PHACTR1: variants seen among roughly 807,000 people sequenced by gnomAD.
The protein encoded by PHACTR1 is RPEL repeat containing 1.
In PHACTR1, 16 loss-of-function variants were observed where a neutral mutation model predicts 69.2. The ratio of observed to expected loss-of-function variants is 0.23; its 90% CI spans 0.16 to 0.35. The LOEUF is 0.35. Ranked by LOEUF, PHACTR1 falls within the 10% of genes least tolerant of loss-of-function variation. The probability of loss-of-function intolerance (pLI) is 1.00; values close to 1 mark genes in which losing one functional copy is unlikely to be tolerated. For missense variants in PHACTR1, 510 were observed against 734.7 expected, an observed-to-expected ratio of 0.69 and a Z score of 3.54; for synonymous variants, 312 against 284.5, an observed-to-expected ratio of 1.10 and a Z score of -0.97.
chr6:13,220,183 G>A (rs4715168), intron 8 of PHACTR1, among the ~76,000 whole-genome samples: 12,586 of 152,140 alleles, frequency 0.083, 775 homozygotes, highest in Admixed American at 0.22. Context: ...TGTGGAACCC[G>A]CTGGTATCTT....
chr6:12,781,383 G>A (rs776491081), intron 4 of PHACTR1, among the ~76,000 whole-genome samples: 86 of 152,340 alleles, frequency 5.6e-4, no homozygotes, highest in African/African-American at 1.9e-3. Context: ...CACCCAGGAC[G>A]TGAATCTCTA....
chr6:12,889,135 A>C (rs1457789666), intron 4 of PHACTR1, among the ~76,000 whole-genome samples: 1 of 152,196 alleles, frequency 6.6e-6, no homozygotes, highest in Admixed American at 6.5e-5. Context: ...TTAGCCAGGC[A>C]TGGTGGCTTG....
chr6:12,763,979 T>A (rs1768326139), intron 4 of PHACTR1, among the ~76,000 whole-genome samples: 1 of 152,190 alleles, frequency 6.6e-6, no homozygotes, highest in Non-Finnish European at 1.5e-5. Flanking sequence ...ATGTGATTTC[T>A]TTTAACCTTA....
chr6:12,922,740 C>A (rs1787857438), intron 4 of PHACTR1, among the ~76,000 whole-genome samples: 1 of 152,138 alleles, frequency 6.6e-6, no homozygotes, highest in Non-Finnish European at 1.5e-5. Flanking sequence ...CTAAGTAGAT[C>A]TGAAGGACTT....
At chr6:13,129,621 T>C (rs759316553) in intron 5 of PHACTR1, among the ~76,000 whole-genome samples, 68 of 152,132 alleles carry the variant, frequency 4.5e-4, no homozygotes, top group Admixed American at 7.2e-4. Flanking sequence ...CCTAAATATA[T>C]ATGCACCTAA....
At chr6:13,029,599 G>A (rs1448028220) in intron 4 of PHACTR1, among the ~76,000 whole-genome samples, 1 of 152,194 alleles carries the variant, frequency 6.6e-6, no homozygotes, top group Non-Finnish European at 1.5e-5. Flanking sequence ...GGAGCATACT[G>A]ACATGAAATG....
chr6:13,187,851 GA>G (rs1238864512), intron 7 of PHACTR1, among the ~76,000 whole-genome samples: 2 of 151,774 alleles, frequency 1.3e-5, no homozygotes, highest in African/African-American at 4.9e-5. Flanking sequence ...TGAGAAGAGA[GA>G]GAGCAAACCA....
At chr6:12,933,662 G>A (rs769661172) in intron 4 of PHACTR1, 272 of 1,612,650 alleles carry the variant, frequency 1.7e-4, no homozygotes, top group Non-Finnish European at 2.2e-4. Flanking sequence ...TATGGATGAA[G>A]CAAGAATGGG....
chr6:12,979,773 AGTT>A (rs749442205), intron 4 of PHACTR1, among the ~76,000 whole-genome samples: 75 of 151,374 alleles, frequency 5.0e-4, no homozygotes, highest in Non-Finnish European at 9.3e-4. Context: ...ACTGTAACTT[AGTT>A]ACAGTGTATT....
chr6:12,979,451 A>G (rs1337085767), intron 4 of PHACTR1, among the ~76,000 whole-genome samples: 1 of 152,198 alleles, frequency 6.6e-6, no homozygotes, highest in African/African-American at 2.4e-5. Context: ...GGCGAGGTCC[A>G]GAGACCCCTC....
At chr6:13,085,948 G>A (rs981805888) in intron 5 of PHACTR1, among the ~76,000 whole-genome samples, 6 of 151,490 alleles carry the variant, frequency 4.0e-5, no homozygotes, top group Admixed American at 3.9e-4. Context: ...ATTGAAAAGA[G>A]CCAAAATTAA....
At chr6:13,190,629 G>A (rs1021296879) in intron 7 of PHACTR1, among the ~76,000 whole-genome samples, 3 of 152,052 alleles carry the variant, frequency 2.0e-5, no homozygotes, top group Admixed American at 2.0e-4. Context: ...GACAGTTTGT[G>A]TAAGAGTCAG....
At chr6:12,759,512 C>T (rs1286999087) in intron 4 of PHACTR1, among the ~76,000 whole-genome samples, 1 of 151,766 alleles carries the variant, frequency 6.6e-6, no homozygotes, top group Non-Finnish European at 1.5e-5. Flanking sequence ...CTTGTCTAGA[C>T]ATGAGTCAAG....
chr6:13,124,133 A>G (rs989316531), intron 5 of PHACTR1, among the ~76,000 whole-genome samples: 2 of 152,202 alleles, frequency 1.3e-5, no homozygotes, highest in African/African-American at 2.4e-5. Flanking sequence ...GAGCGAGGTT[A>G]TAAGCACTGC....
intron 5 of PHACTR1, among the ~76,000 whole-genome samples, chr6:13,109,050 C>T (rs1816602634): frequency 2.0e-5 from 3 of 152,120 alleles, no homozygotes; most frequent in Admixed American, 2.0e-4. Flanking sequence ...AGATAATATA[C>T]TACTGTATGT....
chr6:12,787,087 TG>T (rs1157168639), intron 4 of PHACTR1, among the ~76,000 whole-genome samples: 1 of 152,186 alleles, frequency 6.6e-6, no homozygotes, highest in South Asian at 2.1e-4. Context: ...AGAGATGATT[TG>T]AATGGAAAGT....
chr6:13,211,433 G>T (rs12665414), intron 8 of PHACTR1, among the ~76,000 whole-genome samples: 21,497 of 151,896 alleles, frequency 0.14, 2,228 homozygotes, highest in African/African-American at 0.27. Flanking sequence ...TAATCAGGAC[G>T]CCGTTTCTTT....
chr6:13,223,020 ATATG>A (rs1562020297), intron 8 of PHACTR1, among the ~76,000 whole-genome samples: 3 of 152,254 alleles, frequency 2.0e-5, no homozygotes, highest in Non-Finnish European at 4.4e-5. Flanking sequence ...TATTGAAAAT[ATATG>A]TATTACAAAT....
chr6:13,058,444 T>C (rs1367305782), intron 5 of PHACTR1, among the ~76,000 whole-genome samples: 1 of 152,092 alleles, frequency 6.6e-6, no homozygotes, highest in Non-Finnish European at 1.5e-5. Context: ...GAAAAAAACA[T>C]GAAAAACTTT....
Sources: allele counts gnomAD v4.1 joint callset (sites outside exome capture counted in the v4.1 genomes callset), GRCh38; gene constraint gnomAD v4.1.1; transcripts MANE v1.5; gene names NCBI Gene and HGNC (gene_info 2026-07-23, HGNC 2026-07-21).